CTSO: variants seen among roughly 807,000 people sequenced by gnomAD.
CTSO encodes cathepsin O.
In CTSO, 40 loss-of-function variants were observed where a neutral mutation model predicts 42.4. That is an observed-to-expected ratio of 0.94 (90% CI 0.73 to 1.23). The LOEUF is 1.23. CTSO is among the 50% of genes most tolerant of loss of function. The probability of loss-of-function intolerance (pLI) is 0.00; values close to 1 mark genes in which losing one functional copy is unlikely to be tolerated. For missense variants in CTSO, 441 were observed against 396.0 expected (o/e 1.11, Z -0.96); for synonymous variants, 156 against 146.2 (o/e 1.07, Z -0.48).
chr4:155,943,739 TC>T (rs1743482125), intron 1 of CTSO, among the ~76,000 whole-genome samples: 1 of 152,178 alleles, frequency 6.6e-6, no homozygotes, highest in South Asian at 2.1e-4. Flanking sequence ...AATTAATAAA[TC>T]AATCTGATTC....
chr4:155,949,123 G>A (rs1268205731), intron 1 of CTSO, among the ~76,000 whole-genome samples: 1 of 152,180 alleles, frequency 6.6e-6, no homozygotes. Flanking sequence ...TTGAATGCAA[G>A]TATTCATTCT....
At chr4:155,934,997 T>C (rs1020037416) in intron 5 of CTSO, among the ~76,000 whole-genome samples, 2 of 152,124 alleles carry the variant, frequency 1.3e-5, no homozygotes, top group African/African-American at 4.8e-5. Context: ...GGTTTGGGTG[T>C]GTCCCCACCG....
intron 4 of CTSO, among the ~76,000 whole-genome samples, chr4:155,938,743 G>T (rs1045216745): frequency 6.6e-6 from 1 of 151,906 alleles, no homozygotes; most frequent in Non-Finnish European, 1.5e-5. Flanking sequence ...TGGCCAATAT[G>T]GTGAAACCAT....
intron 2 of CTSO, among the ~76,000 whole-genome samples, chr4:155,942,924 C>T (rs939918357): frequency 6.6e-6 from 1 of 152,098 alleles, no homozygotes; most frequent in African/African-American, 2.4e-5. Context: ...TCCTTTATAG[C>T]CACATGGAAA....
rs1743727392 is a variant in CTSO, at chr4:155,953,858, G to A, written c.-11C>T. On this transcript the variant is annotated 5_prime_UTR_variant, in exon 1 of 8. Transcript: ENST00000433477. ...CGCCCGCACGTCCATTGCGGCGCCCGGCTCCTCTGCCGCCCGCGCGGCCTG... is the reference window on the plus strand; with the variant it reads ...CGCCCGCACGTCCATTGCGGCGCCCAGCTCCTCTGCCGCCCGCGCGGCCTG... 2 of 1,270,558 alleles carry A rather than the reference G, an allele frequency of 1.6e-6. No homozygotes were observed. The highest frequency in any genetic ancestry group is 9.9e-7 in the Non-Finnish European group (1 of 1,011,322). 78.7% of individuals were successfully genotyped at this position (1,270,558 alleles called of 1,614,324 possible).
At chr4:155,928,974 G>A (rs974251268) in intron 6 of CTSO, among the ~76,000 whole-genome samples, 7 of 152,158 alleles carry the variant, frequency 4.6e-5, no homozygotes, top group Admixed American at 1.3e-4. Context: ...TGATGGCCAT[G>A]ACGCCCACGC....
rs190541389 is a variant in CTSO, at chr4:155,943,902, G to A, written c.136-638C>T. Among the ~76,000 whole-genome samples, 82 of 152,262 alleles carry A rather than the reference G, an allele frequency of 5.4e-4. No homozygotes were observed. The Middle Eastern group carries it at 0.01, about 19-fold the overall frequency. ...TACTGATTTCTCAACTTTGAATTTT[G>A]TGACAATTTATCTTAAGCTTATCTT... On this transcript the variant is annotated intron_variant, in intron 1 of 7. Coordinates refer to ENST00000433477, the MANE Select transcript of CTSO (RefSeq NM_001334.3).
At chr4:155,935,160 C>T (rs1743307652) in intron 5 of CTSO, among the ~76,000 whole-genome samples, 1 of 152,224 alleles carries the variant, frequency 6.6e-6, no homozygotes, top group Non-Finnish European at 1.5e-5. Flanking sequence ...TCGGGGGTTA[C>T]GCTTTTGCTT....
At chr4:155,929,843 G>A (rs1414946025) in intron 5 of CTSO, 138 bp from the exon 6 acceptor site, 3 of 700,824 alleles carry the variant, frequency 4.3e-6, no homozygotes, top group African/African-American at 1.8e-5. Flanking sequence ...CTAAGTCTGA[G>A]AGACTGGTAG....
chr4:155,940,936 A>G (rs1377166674), intron 3 of CTSO, among the ~76,000 whole-genome samples: 1 of 152,182 alleles, frequency 6.6e-6, no homozygotes, highest in Admixed American at 6.5e-5. Flanking sequence ...TTAAAAAAAA[A>G]AAAAAGTCTC....
intron 1 of CTSO, among the ~76,000 whole-genome samples, chr4:155,947,433 A>G (rs1257147297): frequency 1.3e-5 from 2 of 152,216 alleles, no homozygotes; most frequent in Non-Finnish European, 2.9e-5. Context: ...ATACTTTCAG[A>G]TTCACTTGGA....
intron 1 of CTSO, among the ~76,000 whole-genome samples, chr4:155,943,807 AT>A (rs1743483738): frequency 6.6e-6 from 1 of 152,168 alleles, no homozygotes; most frequent in Non-Finnish European, 1.5e-5. Flanking sequence ...TCTGTGACAG[AT>A]GCAATTCTGG....
chr4:155,939,473 C>G lies in CTSO; in HGVS notation c.450G>C (p.Lys150Asn), dbSNP rs1553960046. 13 of 1,614,168 alleles carry G rather than the reference C, an allele frequency of 8.1e-6. No individual in the cohort carries two copies. In the South Asian group the frequency reaches 1.4e-4, roughly 18 times the overall value. The change falls in exon 4 of 8, where the codon AAG (lysine) becomes AAC (asparagine). Residue 150 changes from lysine (K) to asparagine (N), a missense_variant. Transcript: ENST00000433477. Reference sequence around the variant, plus strand: ...GCTGGACACTTAGGTCTTCCAGGGGCTTCCCCTTTATTGCATAAGCAGATT... The same window carrying G: ...GCTGGACACTTAGGTCTTCCAGGGGGTTCCCCTTTATTGCATAAGCAGATT... ...AVESAYAIKG[K>N]PLEDLSVQQV... is the part of the protein sequence containing the mutation.
Position 155,925,764 on chromosome 4 carries a change from A to T in CTSO, c.*272T>A. The T allele has an allele frequency of 2.5e-6, 1 of 406,798 alleles. No homozygotes were observed. Among genetic ancestry groups the T allele is most frequent in the South Asian group, 6.9e-5 (1 of 14,582 alleles). 25.2% of individuals were successfully genotyped at this position (406,798 alleles called of 1,614,324 possible). The stretch of plus-strand genomic sequence containing the variant: ...CCTTCCCCAGTTGCAGGGGCCTAAA[A>T]TATCTCCTAATCTGAATTTCGTCTC... On this transcript the variant is annotated 3_prime_UTR_variant, in exon 8 of 8. Coordinates refer to ENST00000433477, the MANE Select transcript of CTSO (RefSeq NM_001334.3).
intron 5 of CTSO, among the ~76,000 whole-genome samples, chr4:155,929,927 G>T (rs1021381441): frequency 3.3e-5 from 5 of 152,116 alleles, no homozygotes; most frequent in African/African-American, 4.8e-5. Flanking sequence ...CTATTCAAAG[G>T]TTTCCATTTT....
chr4:155,927,196 T>G (rs1743144732), intron 7 of CTSO, among the ~76,000 whole-genome samples: 1 of 152,246 alleles, frequency 6.6e-6, no homozygotes, highest in Non-Finnish European at 1.5e-5. Context: ...GATTGGTTAA[T>G]AGTCATTGAA....
At chr4:155,932,633 G>A (rs1264756206) in intron 5 of CTSO, among the ~76,000 whole-genome samples, 2 of 152,082 alleles carry the variant, frequency 1.3e-5, no homozygotes, top group Non-Finnish European at 2.9e-5. Context: ...AATGAATCAG[G>A]GAAGACGACA....
chr4:155,940,429 G>T (rs1261882500), intron 3 of CTSO, among the ~76,000 whole-genome samples: 1 of 151,618 alleles, frequency 6.6e-6, no homozygotes, highest in African/African-American at 2.4e-5. Context: ...GGATATCTTT[G>T]CAGAGTTAAG....
Position 155,953,797 on chromosome 4 carries a change from G to GCACAGCAGC in CTSO, c.42_50dup (p.Trp14_Leu16dup), listed in dbSNP as rs1021353199. 61 of 1,351,144 alleles carry GCACAGCAGC rather than the reference G, an allele frequency of 4.5e-5. No homozygotes were observed. The highest frequency in any genetic ancestry group is 6.2e-5 in the East Asian group (2 of 32,450). The allele number at this position is 1,351,144 out of a possible 1,614,324, so 83.7% of individuals were successfully genotyped here. ...GGGAGTCCGCATCGCCGCCGCCCCG[G>GCACAGCAGC]CACAGCAGCCACAGCAGCCACGGCA... On this transcript the variant is annotated inframe_insertion, in exon 1 of 8. Transcript: ENST00000433477.
Sources: gnomAD v4.1 joint callset for allele counts (sites outside exome capture counted in the v4.1 genomes callset) on GRCh38, gnomAD v4.1.1 for gene constraint, MANE v1.5 for transcripts, NCBI Gene and HGNC (gene_info 2026-07-23, HGNC 2026-07-21) for gene names.